Variants in SCAPER observed in about 807,000 individuals in gnomAD.
The protein encoded by SCAPER is S-phase cyclin A associated protein in the ER, also known as S phase cyclin A-associated protein in the endoplasmic reticulum.
A neutral mutation model predicts 182.2 loss-of-function variants in SCAPER; 98 were observed. The ratio of observed to expected loss-of-function variants is 0.54; its 90% CI spans 0.46 to 0.64. The LOEUF is 0.64. Ranked by LOEUF, SCAPER falls within the 30% of genes least tolerant of loss-of-function variation. The probability of loss-of-function intolerance (pLI) is 0.00; values close to 1 mark genes in which losing one functional copy is unlikely to be tolerated. For synonymous variants in SCAPER, 605 were observed against 564.6 expected, an observed-to-expected ratio of 1.07 and a Z score of -1.01; for missense variants, 1,432 against 1,690.0, an observed-to-expected ratio of 0.85 and a Z score of 2.68.
intron 9 of SCAPER, chr15:76,774,491 C>T (rs2063634172): frequency 1.6e-5 from 5 of 310,956 alleles, no homozygotes; most frequent in South Asian, 1.5e-4. Context: ...TCAAATTCTC[C>T]AAATTTTATA....
intron 17 of SCAPER, among the ~76,000 whole-genome samples, chr15:76,726,445 T>C (rs1166176197): frequency 2.0e-5 from 3 of 151,502 alleles, no homozygotes; most frequent in South Asian, 2.1e-4. Flanking sequence ...TGAAAAACAG[T>C]AGGGTTCTCT....
At chr15:76,460,441 T>C (rs1388801929) in intron 25 of SCAPER, among the ~76,000 whole-genome samples, 1 of 152,186 alleles carries the variant, frequency 6.6e-6, no homozygotes, top group African/African-American at 2.4e-5. Flanking sequence ...ATTCATCAGA[T>C]CTAAGAGTTT....
intron 3 of SCAPER, 89 bp from the exon 4 acceptor site, chr15:76,857,968 T>C: frequency 1.1e-6 from 1 of 894,100 alleles, no homozygotes; most frequent in Non-Finnish European, 1.7e-6. Flanking sequence ...AATGTAAACC[T>C]AAACTACGCA....
chr15:76,541,926 A>T (rs1171483757), intron 23 of SCAPER, among the ~76,000 whole-genome samples: 2 of 152,236 alleles, frequency 1.3e-5, no homozygotes, highest in Non-Finnish European at 2.9e-5. Context: ...ATTGATTTGA[A>T]AACAATTTTT....
At chr15:76,434,345 A>T (rs2047057180) in intron 25 of SCAPER, 35 bp from the exon 26 acceptor site, 1 of 1,451,548 alleles carries the variant, frequency 6.9e-7, no homozygotes, top group Non-Finnish European at 9.5e-7. Flanking sequence ...ATATGTTTCA[A>T]TAAAACCACC....
At chr15:76,580,378 A>T (rs1186387609) in intron 22 of SCAPER, among the ~76,000 whole-genome samples, 5 of 152,238 alleles carry the variant, frequency 3.3e-5, no homozygotes, top group African/African-American at 1.2e-4. Context: ...TTTGGAAACT[A>T]TACGAACACA....
chr15:76,651,457 A>G (rs2055029755), intron 21 of SCAPER, among the ~76,000 whole-genome samples: 1 of 152,096 alleles, frequency 6.6e-6, no homozygotes, highest in Admixed American at 6.6e-5. Context: ...TGCGTGGAAT[A>G]GGAGTAGTGA....
intron 5 of SCAPER, among the ~76,000 whole-genome samples, chr15:76,824,507 G>C (rs912768507): frequency 6.6e-6 from 1 of 152,148 alleles, no homozygotes; most frequent in Admixed American, 6.5e-5. Flanking sequence ...TGAGAAGTCA[G>C]TGACAAAAGG....
intron 22 of SCAPER, among the ~76,000 whole-genome samples, chr15:76,590,548 TG>T (rs751675540): frequency 2.6e-5 from 4 of 152,072 alleles, no homozygotes; most frequent in African/African-American, 4.8e-5. Context: ...CAGATGTTGA[TG>T]GGGATGCAGA....
chr15:76,763,450 A>G (rs1411294652), intron 14 of SCAPER, among the ~76,000 whole-genome samples: 1 of 152,012 alleles, frequency 6.6e-6, no homozygotes, highest in Non-Finnish European at 1.5e-5. Flanking sequence ...AATTATAATA[A>G]GTCTTGATGT....
chr15:76,474,322 T>G (rs1242651876), intron 24 of SCAPER, among the ~76,000 whole-genome samples: 1 of 152,198 alleles, frequency 6.6e-6, no homozygotes, highest in Non-Finnish European at 1.5e-5. Flanking sequence ...AAGTTCTCTG[T>G]CCTTATGGAG....
intron 20 of SCAPER, among the ~76,000 whole-genome samples, chr15:76,688,593 T>C (rs2058166041): frequency 6.6e-6 from 1 of 152,220 alleles, no homozygotes; most frequent in Admixed American, 6.5e-5. Flanking sequence ...TAATTCATCT[T>C]GAGTTAATTT....
chr15:76,458,120 G>T (rs528688387), intron 25 of SCAPER, among the ~76,000 whole-genome samples: 1 of 152,122 alleles, frequency 6.6e-6, no homozygotes, highest in South Asian at 2.1e-4. Context: ...CTGCTAAGAA[G>T]ACATTATATG....
chr15:76,597,594 A>G lies in SCAPER; in HGVS notation c.2712-23310T>C, dbSNP rs1294434209. On this transcript the variant is annotated intron_variant, in intron 22 of 31. Transcript: ENST00000563290. ...ACCAAAACAGCATGGTACTAGTACCAAAACAGATATATAGACCAACAGAAC... is the reference window on the plus strand; with the variant it reads ...ACCAAAACAGCATGGTACTAGTACCGAAACAGATATATAGACCAACAGAAC... Among the ~76,000 whole-genome samples, 2 of 121,586 alleles carry G rather than the reference A, an allele frequency of 1.6e-5. 1 individual carries two copies. The highest frequency in any genetic ancestry group is 4.0e-5 in the Non-Finnish European group (2 of 50,034). 79.8% of individuals were successfully genotyped at this position (121,586 alleles called of 152,430 possible). A position where few individuals can be genotyped will look rare whatever the true frequency, so the allele number is the denominator to read the frequency against.
intron 28 of SCAPER, among the ~76,000 whole-genome samples, chr15:76,378,597 A>G (rs1190544805): frequency 6.6e-6 from 1 of 152,238 alleles, no homozygotes; most frequent in Non-Finnish European, 1.5e-5. Context: ...CTATGTAGAC[A>G]GATGTGTTGC....
intron 25 of SCAPER, among the ~76,000 whole-genome samples, chr15:76,448,767 G>A (rs905132135): frequency 2.0e-5 from 3 of 152,162 alleles, no homozygotes; most frequent in Non-Finnish European, 4.4e-5. Context: ...GGTGATCTTG[G>A]TGAAAGAACT....
chr15:76,491,437 A>G (rs1449816006), intron 24 of SCAPER, among the ~76,000 whole-genome samples: 1 of 152,214 alleles, frequency 6.6e-6, no homozygotes, highest in Non-Finnish European at 1.5e-5. Context: ...ATATGTAAGA[A>G]CATGTATTTT....
At chr15:76,726,391 C>G (rs903725413) in intron 17 of SCAPER, among the ~76,000 whole-genome samples, 14 of 151,234 alleles carry the variant, frequency 9.3e-5, no homozygotes, top group African/African-American at 3.4e-4. Context: ...GATGTGGAAC[C>G]CTTGTGCAAT....
intron 17 of SCAPER, among the ~76,000 whole-genome samples, chr15:76,721,812 T>A: frequency 6.6e-6 from 1 of 152,170 alleles, no homozygotes; most frequent in African/African-American, 2.4e-5. Context: ...CTTATCAGCT[T>A]AAGGAGATTT....
Sources: gnomAD v4.1 joint callset for allele counts (sites outside exome capture counted in the v4.1 genomes callset) on GRCh38, gnomAD v4.1.1 for gene constraint, MANE v1.5 for transcripts, NCBI Gene and HGNC (gene_info 2026-07-23, HGNC 2026-07-21) for gene names.